MIER2: variants seen among roughly 807,000 people sequenced by gnomAD.
The protein encoded by MIER2 is mesoderm induction early response protein 2.
Under a neutral mutation model 67.6 loss-of-function variants are expected in MIER2, and 30 were observed. The observed-to-expected ratio is 0.44, with a 90% CI of 0.33 to 0.60. MIER2 has a LOEUF of 0.60. Ranked by LOEUF, MIER2 falls within the 20% of genes least tolerant of loss-of-function variation. MIER2 has a pLI of 0.02. For synonymous variants in MIER2, 372 were observed against 312.6 expected, an observed-to-expected ratio of 1.19 and a Z score of -2.00; for missense variants, 702 against 745.1, an observed-to-expected ratio of 0.94 and a Z score of 0.67.
intron 1 of MIER2, chr19:344,066 A>G (rs1972627143): frequency 3.0e-6 from 3 of 985,418 alleles, no homozygotes; most frequent in Non-Finnish European, 3.6e-6. Flanking sequence ...CAAACATTTC[A>G]GATAAAGGGT....
chr19:335,769 C>CT (rs1168321513), intron 2 of MIER2, among the ~76,000 whole-genome samples: 5 of 152,130 alleles, frequency 3.3e-5, no homozygotes, highest in Admixed American at 6.5e-5. Flanking sequence ...CAAGCCACCC[C>CT]TTCCCAACAC....
chr19:318,373 G>A (rs906362005), intron 7 of MIER2, among the ~76,000 whole-genome samples: 1 of 152,260 alleles, frequency 6.6e-6, no homozygotes, highest in Non-Finnish European at 1.5e-5. Context: ...AGAGAGACAC[G>A]TCACAATGGT....
At chr19:318,802 A>G (rs1971370946) in intron 7 of MIER2, among the ~76,000 whole-genome samples, 1 of 152,160 alleles carries the variant, frequency 6.6e-6, no homozygotes, top group Non-Finnish European at 1.5e-5. Context: ...CACACCTGTA[A>G]TCCCAACACT....
At chr19:327,092 G>A (rs1351422440) in intron 5 of MIER2, 41 bp downstream of exon 5, 1 of 1,555,112 alleles carries the variant, frequency 6.4e-7, no homozygotes, top group Non-Finnish European at 8.6e-7. Flanking sequence ...TGCCTGGCAG[G>A]GGGCCTGGCT....
intron 1 of MIER2, chr19:344,105 A>C: frequency 2.0e-6 from 2 of 985,388 alleles, no homozygotes; most frequent in Non-Finnish European, 2.4e-6. Context: ...ACGAGGGAGG[A>C]GGCTCCAGAA....
Position 306,579 on chromosome 19 carries a change from T to G in MIER2, c.*111A>C. 4 of 1,400,136 alleles carry G rather than the reference T, an allele frequency of 2.9e-6. No homozygotes were observed. The highest frequency in any genetic ancestry group is 3.0e-6 in the Non-Finnish European group (3 of 1,015,146). 86.7% of individuals were successfully genotyped at this position (1,400,136 alleles called of 1,614,324 possible). A position where few individuals can be genotyped will look rare whatever the true frequency, so the allele number is the denominator to read the frequency against. On this transcript the variant is annotated 3_prime_UTR_variant, in exon 14 of 14. Transcript: ENST00000264819. ...TGACGTGTTCTGAAGCAGAAGGAGG[T>G]GCTACCCCAAGGCCCGGGGGGTGGG...
intron 7 of MIER2, among the ~76,000 whole-genome samples, chr19:321,551 G>C (rs1338838588): frequency 1.3e-5 from 2 of 152,012 alleles, no homozygotes; most frequent in African/African-American, 2.4e-5. Flanking sequence ...AGGCTGAGTG[G>C]GAGAACTGCT....
Position 308,778 on chromosome 19 carries a change from C to T in MIER2, c.1109+23G>A, listed in dbSNP as rs1970787508. 3 of 1,596,764 alleles carry T rather than the reference C, an allele frequency of 1.9e-6. No homozygotes were observed. Among genetic ancestry groups the T allele is most frequent in the African/African-American group, 1.3e-5 (1 of 74,662 alleles). On this transcript the variant is annotated intron_variant, in intron 11 of 13. Coordinates refer to ENST00000264819, the MANE Select transcript of MIER2 (RefSeq NM_017550.3). The surrounding 1 kb of genome is among the most constrained non-coding windows in gnomAD (Gnocchi z 9.1). ...CCGGCGGGGTGGCCGCCTGTCGTTA[C>T]TGCTGGGGAGGGCTGCACGCACGTG...
chr19:317,070 T>C (rs773901446), intron 7 of MIER2, among the ~76,000 whole-genome samples: 54 of 152,112 alleles, frequency 3.6e-4, no homozygotes, highest in Non-Finnish European at 8.8e-5. Context: ...AATAAACCTA[T>C]TAATCCAAAA....
At chr19:312,434 C>T (rs1294846801) in intron 8 of MIER2, among the ~76,000 whole-genome samples, 162 bp from the exon 9 acceptor site, 4 of 138,158 alleles carry the variant, frequency 2.9e-5, no homozygotes, top group Admixed American at 1.4e-4. Flanking sequence ...CATCAGGGGC[C>T]GTCCACACCA....
At chr19:307,711 T>G (rs1970720379) in intron 12 of MIER2, among the ~76,000 whole-genome samples, 175 bp from the exon 13 acceptor site, 1 of 149,750 alleles carries the variant, frequency 6.7e-6, no homozygotes, top group Non-Finnish European at 1.5e-5. Context: ...AGGTTAAGGG[T>G]CTCAGCTTTA....
rs903065227 is a variant in MIER2 at position 306,838 on chromosome 19, G to T, written c.1617-127C>A. 850 of 1,439,908 alleles carry T rather than the reference G, an allele frequency of 5.9e-4. 12 individuals carry two copies. Among genetic ancestry groups the T allele is most frequent in the Non-Finnish European group, 1.3e-4 (138 of 1,053,372 alleles). 89.2% of individuals were successfully genotyped at this position (1,439,908 alleles called of 1,614,324 possible). On this transcript the variant is annotated intron_variant, in intron 13 of 13. Coordinates refer to ENST00000264819, the MANE Select transcript of MIER2 (RefSeq NM_017550.3). ...CTCCCCCACAGCCTATGGCAGCCGG[G>T]CCCGGGGTGCCCTGAGGGGAGCTGG...
intron 9 of MIER2, 85 bp from the exon 10 acceptor site, chr19:312,024 AGCGGCGCCCAGGGCGGGGCC>A (rs1971032965): frequency 1.9e-6 from 2 of 1,077,750 alleles, no homozygotes. Flanking sequence ...GAGAACAGTC[AGCGGCGCCCAGGGCGGGGCC>A]GCAGCGGAAG....
chr19:334,603 G>A (rs957232350), intron 2 of MIER2, 61 bp from the exon 3 acceptor site: 23 of 1,579,052 alleles, frequency 1.5e-5, no homozygotes, highest in African/African-American at 2.7e-5. Flanking sequence ...CCATCCTGCC[G>A]AGACTACTGA....
intron 2 of MIER2, among the ~76,000 whole-genome samples, chr19:335,720 T>C (rs1972218460): frequency 6.6e-6 from 1 of 152,156 alleles, no homozygotes; most frequent in Admixed American, 6.5e-5. Flanking sequence ...GTGCTGCCTG[T>C]CTCGCCGCCC....
At position 326,574 on chromosome 19, in the gene MIER2, C is replaced by G. The variant is rs1175896379; in HGVS notation, c.518G>C (p.Arg173Thr). ...GGAGGAGGCAGAAGAGCCAGGCTCTCTGTCTTCATCAGCCAGGAAACGAGC... is the reference window on the plus strand; with the variant it reads ...GGAGGAGGCAGAAGAGCCAGGCTCTGTGTCTTCATCAGCCAGGAAACGAGC... ...SGSRFLADED[R>T]EPGSSASSDT... The change falls in exon 6 of 14, where the codon AGA becomes ACA. Residue 173 changes from arginine to threonine, a missense_variant. Transcript: ENST00000264819. The G allele has an allele frequency of 6.2e-7, 1 of 1,614,112 alleles. No homozygotes were observed. The highest frequency in any genetic ancestry group is 2.2e-5 in the East Asian group (1 of 44,880).
chr19:335,619 C>T (rs938618249), intron 2 of MIER2, among the ~76,000 whole-genome samples: 45 of 152,190 alleles, frequency 3.0e-4, no homozygotes, highest in Non-Finnish European at 2.5e-4. Context: ...AGCTCCTCCC[C>T]GCAGGCCCAA....
At chr19:343,594 A>C (rs1040148377) in intron 1 of MIER2, among the ~76,000 whole-genome samples, 4 of 152,194 alleles carry the variant, frequency 2.6e-5, no homozygotes, top group African/African-American at 4.8e-5. Flanking sequence ...CCCAAGACAT[A>C]AACACGCAAC....
At position 312,093 on chromosome 19, in the gene MIER2, G is replaced by C. The variant is rs537977442; in HGVS notation, c.889+98C>G. 61 of 1,282,216 alleles carry C rather than the reference G, an allele frequency of 4.8e-5. No homozygotes were observed. The East Asian group carries it at 1.3e-3, about 27-fold the overall frequency. 79.4% of individuals were successfully genotyped at this position (1,282,216 alleles called of 1,614,324 possible). On this transcript the variant is annotated intron_variant, in intron 9 of 13. Transcript: ENST00000264819. Reference sequence around the variant, plus strand: ...GGGGAGAACGGTCAGCGGCGCCCAGGGCGGGGCCGCAGCGGAAGGAAGGCC... The same window carrying C: ...GGGGAGAACGGTCAGCGGCGCCCAGCGCGGGGCCGCAGCGGAAGGAAGGCC...
Sources: allele counts gnomAD v4.1 joint callset (sites outside exome capture counted in the v4.1 genomes callset), GRCh38; gene constraint gnomAD v4.1.1; non-coding constraint Gnocchi (gnomAD v3.1); transcripts MANE v1.5; gene names NCBI Gene and HGNC (gene_info 2026-07-23, HGNC 2026-07-21).